TENM2: variants seen among roughly 807,000 people sequenced by gnomAD.
TENM2 encodes the protein teneurin-2.
A neutral mutation model predicts 245.2 loss-of-function variants in TENM2; 52 were observed. The ratio of observed to expected loss-of-function variants is 0.21; its 90% CI spans 0.17 to 0.27. The LOEUF (loss-of-function observed/expected upper bound fraction) is 0.27. Ranked by LOEUF, TENM2 falls within the 10% of genes least tolerant of loss-of-function variation. The pLI, the probability that TENM2 is intolerant of heterozygous loss-of-function variation, is 1.00. For missense variants in TENM2, 3,046 were observed against 3,666.8 expected, an observed-to-expected ratio of 0.83 and a Z score of 4.37; for synonymous variants, 1,363 against 1,438.9, an observed-to-expected ratio of 0.95 and a Z score of 1.19.
chr5:167,493,774 G>A (rs1768599000), intron 2 of TENM2, among the ~76,000 whole-genome samples: 1 of 152,034 alleles, frequency 6.6e-6, no homozygotes, highest in African/African-American at 2.4e-5. Flanking sequence ...CGGCATATAT[G>A]TTCATATATC....
the TENM2 span, among the ~76,000 whole-genome samples, chr5:167,100,756 C>A: frequency 6.6e-6 from 1 of 152,030 alleles, no homozygotes; most frequent in African/African-American, 2.4e-5. Flanking sequence ...TTATAAAATG[C>A]TTCCCTTGTA....
intron 2 of TENM2, among the ~76,000 whole-genome samples, chr5:167,468,046 C>T (rs1300563473): frequency 6.6e-6 from 1 of 152,202 alleles, no homozygotes; most frequent in African/African-American, 2.4e-5. Flanking sequence ...AAGCGATTCT[C>T]CTGCTTCAGC....
chr5:167,339,832 A>G (rs1757992262), intron 1 of TENM2, among the ~76,000 whole-genome samples: 2 of 152,150 alleles, frequency 1.3e-5, no homozygotes, highest in Admixed American at 6.5e-5. Context: ...CCATGATGTG[A>G]GGGCACAAGC....
At chr5:167,198,081 C>T in the TENM2 span, among the ~76,000 whole-genome samples, 1 of 151,920 alleles carries the variant, frequency 6.6e-6, no homozygotes, top group Non-Finnish European at 1.5e-5. Context: ...CTAGAGACTA[C>T]AATTTCAAAC....
At chr5:167,848,846 C>T (rs1450432490) in intron 2 of TENM2, among the ~76,000 whole-genome samples, 2 of 152,172 alleles carry the variant, frequency 1.3e-5, no homozygotes, top group African/African-American at 4.8e-5. Flanking sequence ...TCCCAACCCC[C>T]TGCTACGGGT....
At chr5:168,036,540 G>T (rs1015110194) in intron 5 of TENM2, among the ~76,000 whole-genome samples, 1 of 151,330 alleles carries the variant, frequency 6.6e-6, no homozygotes, top group African/African-American at 2.4e-5. Context: ...GGAGGCTGAG[G>T]CTAGATAATC....
At chr5:167,744,865 A>C (rs1277676392) in intron 2 of TENM2, among the ~76,000 whole-genome samples, 2 of 152,152 alleles carry the variant, frequency 1.3e-5, no homozygotes, top group Non-Finnish European at 2.9e-5. Flanking sequence ...TGATGGGTTT[A>C]GTATCCTCCT....
intron 2 of TENM2, among the ~76,000 whole-genome samples, chr5:167,417,549 A>G (rs1372588476): frequency 1.3e-5 from 2 of 152,204 alleles, no homozygotes; most frequent in Non-Finnish European, 2.9e-5. Context: ...CCTAGCACAC[A>G]TAGATGGCTA....
chr5:168,243,691 G>A (rs1766302301), intron 25 of TENM2, among the ~76,000 whole-genome samples: 1 of 152,162 alleles, frequency 6.6e-6, no homozygotes, highest in Non-Finnish European at 1.5e-5. Context: ...AGGGTGGCCA[G>A]GCAGCCCAGG....
intron 2 of TENM2, among the ~76,000 whole-genome samples, chr5:167,431,303 A>T (rs1458190339): frequency 6.6e-6 from 1 of 152,196 alleles, no homozygotes; most frequent in African/African-American, 2.4e-5. Context: ...TTCAGAAGAG[A>T]TACAAAATGA....
chr5:167,831,485 C>CTTTTT (rs10667494), intron 2 of TENM2, among the ~76,000 whole-genome samples: 1 of 127,756 alleles, frequency 7.8e-6, no homozygotes, highest in East Asian at 2.2e-4. Context: ...GAGTTCAGCA[C>CTTTTT]TTTTTTTTTT....
At chr5:167,530,693 C>T (rs1771429079) in intron 2 of TENM2, among the ~76,000 whole-genome samples, 1 of 152,182 alleles carries the variant, frequency 6.6e-6, no homozygotes, top group Non-Finnish European at 1.5e-5. Flanking sequence ...GAGCCCTGTG[C>T]TTCGCTGTAG....
chr5:167,306,094 T>C (rs1476726518), intron 1 of TENM2, among the ~76,000 whole-genome samples: 1 of 152,152 alleles, frequency 6.6e-6, no homozygotes, highest in Non-Finnish European at 1.5e-5. Flanking sequence ...TCCCAATATC[T>C]AGAAGAGGTG....
chr5:167,445,787 A>G (rs1190310394), intron 2 of TENM2, among the ~76,000 whole-genome samples: 3 of 152,068 alleles, frequency 2.0e-5, no homozygotes, highest in Admixed American at 6.6e-5. Flanking sequence ...CCCTCACTCA[A>G]TGGTGTAACT....
chr5:167,509,429 A>T (rs1649311189), intron 2 of TENM2, among the ~76,000 whole-genome samples: 1 of 152,230 alleles, frequency 6.6e-6, no homozygotes, highest in African/African-American at 2.4e-5. Flanking sequence ...TAACTTGAAA[A>T]GTTGCGTTTG....
At chr5:168,248,075 T>C (rs1283123745) in exon 27 of TENM2, 1 of 1,613,940 alleles carries the variant, frequency 6.2e-7, no homozygotes, top group African/African-American at 1.3e-5. Flanking sequence ...CTGGCTGTGT[T>C]CAGCATCAAC....
At chr5:167,073,890 T>A in the TENM2 span, among the ~76,000 whole-genome samples, 4 of 152,330 alleles carry the variant, frequency 2.6e-5, no homozygotes, top group East Asian at 7.7e-4. Flanking sequence ...GTTTCTGCTT[T>A]TATGGTCCCT....
At chr5:167,271,744 C>T in the TENM2 span, among the ~76,000 whole-genome samples, 2 of 152,086 alleles carry the variant, frequency 1.3e-5, no homozygotes, top group Admixed American at 1.3e-4. Context: ...TTCTAAAAGG[C>T]AGGAACATGT....
chr5:168,152,573 G>A (rs950238548), intron 12 of TENM2, among the ~76,000 whole-genome samples: 1 of 152,308 alleles, frequency 6.6e-6, no homozygotes, highest in South Asian at 2.1e-4. Context: ...AATCAAAGTC[G>A]TGCTTTGTCC....
Sources: gnomAD v4.1 joint callset for allele counts (sites outside exome capture counted in the v4.1 genomes callset) on GRCh38, gnomAD v4.1.1 for gene constraint, MANE v1.5 for transcripts, NCBI Gene and HGNC (gene_info 2026-07-23, HGNC 2026-07-21) for gene names.